Variants in ADSS1 observed in about 807,000 individuals in gnomAD.
ADSS1 encodes the protein adenylosuccinate synthetase isozyme 1.
Under a neutral mutation model 59.1 loss-of-function variants are expected in ADSS1, and 57 were observed. That is an observed-to-expected ratio of 0.97 (90% confidence interval 0.78 to 1.20). The LOEUF is 1.20. Among genes scored for constraint, ADSS1 ranks in the 50% most tolerant of loss-of-function variants. The probability of loss-of-function intolerance (pLI) is 0.00; values close to 1 mark genes in which losing one functional copy is unlikely to be tolerated. For missense variants in ADSS1, 603 were observed against 610.3 expected (o/e 0.99, Z 0.13); for synonymous variants, 247 against 249.4 (o/e 0.99, Z 0.09).
chr14:104,736,883 TATA>T (rs1215383487), intron 2 of ADSS1, among the ~76,000 whole-genome samples: 25 of 44,142 alleles, frequency 5.7e-4, no homozygotes, highest in African/African-American at 3.1e-3. Flanking sequence ...ACCTAGCTGA[TATA>T]TATATATATA....
rs777170823 is a variant in ADSS1, at chr14:104,747,025, A to G, written c.*22A>G. ...TTAGTCACAGACTGAGCTGATCCCA[A>G]CAGGCCCTGGCAGCGTCTGGACTTG... is the stretch of plus-strand genomic sequence containing the variant. On this transcript the variant is annotated 3_prime_UTR_variant, in exon 13 of 13. Transcript: ENST00000330877. 3.1e-6 allele frequency: 5 copies of G among 1,607,918 alleles called. No homozygotes were observed. The highest frequency in any genetic ancestry group is 2.2e-5 in the East Asian group (1 of 44,736).
rs140089388 is a variant in ADSS1, at chr14:104,742,211, G to A, written c.948+209G>A. On this transcript the variant is annotated intron_variant, in intron 9 of 12. Transcript: ENST00000330877. ...GGGCCTGTTCCCACGGCCACAGCAC[G>A]TGAGCTCACACGGGGTGCGCACATG... Among the ~76,000 whole-genome samples the A allele has an allele frequency of 2.0e-3, 307 of 152,374 alleles. 3 individuals are homozygous for A. The South Asian group carries it at 0.027, about 13-fold the overall frequency.
intron 11 of ADSS1, chr14:104,745,216 C>T (rs1891512215): frequency 9.1e-6 from 3 of 330,090 alleles, no homozygotes; most frequent in Non-Finnish European, 1.7e-5. Context: ...GAGGAAAAGG[C>T]CCACCTGCAG....
intron 1 of ADSS1, among the ~76,000 whole-genome samples, chr14:104,734,552 C>T (rs1458828690): frequency 6.6e-6 from 1 of 152,234 alleles, no homozygotes; most frequent in Admixed American, 6.5e-5. Flanking sequence ...TTTCCCAGAA[C>T]AGGGCTGGCT....
chr14:104,744,760 C>G lies in ADSS1; in HGVS notation c.1074-52C>G, dbSNP rs113295938. On this transcript the variant is annotated intron_variant, in intron 10 of 12. Coordinates refer to ENST00000330877, the MANE Select transcript of ADSS1 (RefSeq NM_152328.5). ...AGGTCAAAAGCAAGCGGAAGAAACC[C>G]CAGCACTGCTGACCACTTCTTGGGT... 2.4e-5 allele frequency: 38 copies of G among 1,573,304 alleles called. 1 individual carries two copies. The highest frequency in any genetic ancestry group is 2.2e-4 in the African/African-American group (16 of 74,240).
At chr14:104,741,403 T>C (rs993059284) in intron 8 of ADSS1, among the ~76,000 whole-genome samples, 160 bp downstream of exon 8, 3 of 152,102 alleles carry the variant, frequency 2.0e-5, no homozygotes, top group Non-Finnish European at 4.4e-5. Context: ...GTGTCCTTAG[T>C]GTTCCTATTG....
intron 3 of ADSS1, 122 bp from the exon 4 acceptor site, chr14:104,739,206 G>A: frequency 9.9e-7 from 1 of 1,014,368 alleles, no homozygotes; most frequent in Non-Finnish European, 1.5e-6. Context: ...GGCCCTGTCA[G>A]CCTCCTCCCT....
chr14:104,734,845 A>C (rs1349088322), intron 1 of ADSS1, among the ~76,000 whole-genome samples, 175 bp from the exon 2 acceptor site: 1 of 152,214 alleles, frequency 6.6e-6, no homozygotes, highest in Non-Finnish European at 1.5e-5. Flanking sequence ...TCCAAGGTGC[A>C]GGATGCCCAC....
At position 104,741,181 on chromosome 14, in the gene ADSS1, A is replaced by G. The variant is rs1160071437; in HGVS notation, c.731A>G (p.His244Arg). The change falls in exon 8 of 13, where the codon CAC becomes CGC. Residue 244 changes from histidine to arginine, a missense_variant. Coordinates refer to ENST00000330877, the MANE Select transcript of ADSS1 (RefSeq NM_152328.5). The stretch of plus-strand genomic sequence containing the variant: ...GTTTACTTTATGTATGAGGCACTCC[A>G]CGGCCCCCCCAAGAAGATCCTGGTG... ...DGVYFMYEAL[H>R]GPPKKILVEG... The G allele has an allele frequency of 6.2e-7, 1 of 1,612,166 alleles. No individual in the cohort carries two copies. Among genetic ancestry groups the G allele is most frequent in the Non-Finnish European group, 8.5e-7 (1 of 1,179,168 alleles).
At chr14:104,725,639 A>G (rs952624579) in intron 1 of ADSS1, among the ~76,000 whole-genome samples, 3 of 152,084 alleles carry the variant, frequency 2.0e-5, no homozygotes, top group Non-Finnish European at 2.9e-5. Flanking sequence ...CCCTCGCTCC[A>G]GAGATCCCCC....
At chr14:104,731,729 C>T (rs545735091) in intron 1 of ADSS1, among the ~76,000 whole-genome samples, 1 of 152,236 alleles carries the variant, frequency 6.6e-6, no homozygotes, top group Admixed American at 6.5e-5. Flanking sequence ...GGCACACACT[C>T]GCCCTGGCTC....
intron 2 of ADSS1, chr14:104,737,727 C>T (rs1181006121): frequency 1.3e-5 from 2 of 152,274 alleles, no homozygotes; most frequent in African/African-American, 4.8e-5. Context: ...TACTTTCTAT[C>T]TCTATGAATT....
At chr14:104,735,369 C>T (rs1053501668) in intron 2 of ADSS1, among the ~76,000 whole-genome samples, 3 of 151,872 alleles carry the variant, frequency 2.0e-5, no homozygotes, top group Admixed American at 6.6e-5. Flanking sequence ...ACATCCACCG[C>T]GCAGGAGCGG....
chr14:104,738,084 C>T, intron 2 of ADSS1: 1 of 286,100 alleles, frequency 3.5e-6, no homozygotes, highest in East Asian at 9.7e-5. Flanking sequence ...GCAACCTCCG[C>T]CTCCCAGGTT....
chr14:104,730,049 C>T, intron 1 of ADSS1: 1 of 1,571,196 alleles, frequency 6.4e-7, no homozygotes, highest in Non-Finnish European at 8.6e-7. Context: ...CCACTCCGTG[C>T]CAGCTCAGCC....
At chr14:104,728,768 C>T (rs1029286714) in intron 1 of ADSS1, among the ~76,000 whole-genome samples, 2 of 152,206 alleles carry the variant, frequency 1.3e-5, no homozygotes, top group Non-Finnish European at 2.9e-5. Context: ...GGCGTGAGCT[C>T]GCTGACAGCC....
Position 104,738,367 on chromosome 14 carries a change from C to G in ADSS1, c.296-9C>G. 6.2e-7 allele frequency: 1 copy of G among 1,613,800 alleles called. No homozygotes were observed. The highest frequency in any genetic ancestry group is 1.7e-4 in the Middle Eastern group (1 of 6,056). ...AACTCTGTCTCTCATGCCTCTGTCT[C>G]TCATGCAGGCAACGGGGTGGTCATC... On this transcript the variant is annotated splice_polypyrimidine_tract_variant and intron_variant, in intron 2 of 12. Coordinates refer to ENST00000330877, the MANE Select transcript of ADSS1 (RefSeq NM_152328.5).
intron 1 of ADSS1, among the ~76,000 whole-genome samples, chr14:104,724,898 G>A (rs557106806): frequency 1.3e-5 from 2 of 152,312 alleles, no homozygotes; most frequent in South Asian, 2.1e-4. Flanking sequence ...GTCTGGGATA[G>A]GGCTTACCTG....
At chr14:104,733,760 A>T (rs1409862483) in intron 1 of ADSS1, among the ~76,000 whole-genome samples, 1 of 152,154 alleles carries the variant, frequency 6.6e-6, no homozygotes, top group East Asian at 1.9e-4. Flanking sequence ...AGTGGGCCCC[A>T]AAAGGGAAGT....
Sources: allele counts gnomAD v4.1 joint callset (sites outside exome capture counted in the v4.1 genomes callset), GRCh38; gene constraint gnomAD v4.1.1; transcripts MANE v1.5; gene names NCBI Gene and HGNC (gene_info 2026-07-23, HGNC 2026-07-21).